Variants in MSRA observed in about 807,000 individuals in gnomAD.
MSRA encodes mitochondrial peptide methionine sulfoxide reductase.
In MSRA, 54 loss-of-function variants were observed where a neutral mutation model predicts 31.3. That is an observed-to-expected ratio of 1.73 (90% CI 1.39 to 2.17). MSRA has a LOEUF of 2.17. Ranked by LOEUF, MSRA falls within the 30% of genes most tolerant of loss-of-function variation. The probability of loss-of-function intolerance (pLI) is 0.00; values close to 1 mark genes in which losing one functional copy is unlikely to be tolerated. For missense variants in MSRA, 507 were observed against 300.9 expected (o/e 1.69, Z -5.07); for synonymous variants, 169 against 116.5 (o/e 1.45, Z -2.90).
intron 1 of MSRA, among the ~76,000 whole-genome samples, chr8:10,060,189 AGC>A (rs769656869): frequency 1.2e-4 from 18 of 152,356 alleles, no homozygotes; most frequent in Admixed American, 2.6e-4. Flanking sequence ...TGTTTGCAAT[AGC>A]ACAAGACTGG....
At chr8:10,398,445 G>C (rs1265226637) in intron 5 of MSRA, among the ~76,000 whole-genome samples, 6 of 152,210 alleles carry the variant, frequency 3.9e-5, no homozygotes, top group Non-Finnish European at 8.8e-5. Flanking sequence ...CTTCGTTGTG[G>C]AAGTCTGAGC....
intron 1 of MSRA, among the ~76,000 whole-genome samples, chr8:10,090,521 C>A (rs1228008074): frequency 6.6e-6 from 1 of 152,300 alleles, no homozygotes; most frequent in Admixed American, 6.5e-5. Context: ...TGGACTGCAA[C>A]TTTTAAAAAG....
chr8:10,211,589 T>TAAA (rs1809500341), intron 2 of MSRA, among the ~76,000 whole-genome samples: 1 of 152,130 alleles, frequency 6.6e-6, no homozygotes, highest in Non-Finnish European at 1.5e-5. Flanking sequence ...GAGTGCCCCC[T>TAAA]TGGCTCTCAC....
chr8:10,318,262 T>G (rs933182915), intron 4 of MSRA, among the ~76,000 whole-genome samples: 1 of 152,196 alleles, frequency 6.6e-6, no homozygotes, highest in African/African-American at 2.4e-5. Flanking sequence ...CATAATTTCC[T>G]TTTTGTCAAA....
At chr8:10,221,647 G>A (rs1299889997) in intron 2 of MSRA, among the ~76,000 whole-genome samples, 1 of 152,144 alleles carries the variant, frequency 6.6e-6, no homozygotes, top group East Asian at 1.9e-4. Flanking sequence ...TTATACTCCA[G>A]TAGGGTGGGA....
intron 1 of MSRA, among the ~76,000 whole-genome samples, chr8:10,154,947 C>T (rs1052179065): frequency 1.4e-5 from 2 of 142,920 alleles, no homozygotes; most frequent in African/African-American, 5.3e-5. Flanking sequence ...ACCACAGGTA[C>T]AGTAAAATTT....
At chr8:10,192,857 C>A (rs1807630604) in intron 1 of MSRA, among the ~76,000 whole-genome samples, 1 of 118,028 alleles carries the variant, frequency 8.5e-6, no homozygotes, top group East Asian at 2.3e-4. Flanking sequence ...CCGTTTATAA[C>A]AGCATGTTCA....
Position 10,110,680 on chromosome 8 carries a change from A to C in MSRA, c.142+56022A>C, listed in dbSNP as rs563160180. Among the ~76,000 whole-genome samples the C allele has an allele frequency of 2.6e-5, 4 of 152,304 alleles. No individual in the cohort carries two copies. The South Asian group carries it at 8.3e-4, about 32-fold the overall frequency. ...CTGTGTCAAATGTCTTGATTTTCACAGTAGTGATCGCGCTTTCTCCCAGGC... is the reference window on the plus strand; with the variant it reads ...CTGTGTCAAATGTCTTGATTTTCACCGTAGTGATCGCGCTTTCTCCCAGGC... On this transcript the variant is annotated intron_variant, in intron 1 of 5. Coordinates refer to ENST00000317173, the MANE Select transcript of MSRA (RefSeq NM_012331.5).
At chr8:10,355,078 C>T (rs147720482) in intron 5 of MSRA, among the ~76,000 whole-genome samples, 1 of 152,158 alleles carries the variant, frequency 6.6e-6, no homozygotes, top group Non-Finnish European at 1.5e-5. Context: ...ATTTAGCATA[C>T]TTTTAACCTG....
chr8:10,256,639 G>A (rs1798197186), intron 3 of MSRA, among the ~76,000 whole-genome samples: 1 of 152,092 alleles, frequency 6.6e-6, no homozygotes, highest in Non-Finnish European at 1.5e-5. Context: ...AATTCAGACG[G>A]CACCTCTGTC....
At chr8:10,369,249 T>TA (rs1805341678) in intron 5 of MSRA, among the ~76,000 whole-genome samples, 1 of 147,528 alleles carries the variant, frequency 6.8e-6, no homozygotes, top group African/African-American at 2.6e-5. Context: ...ATAGAGTTCT[T>TA]TAAAAAAAAA....
chr8:10,256,938 AGTTT>A (rs1271695011), intron 3 of MSRA, among the ~76,000 whole-genome samples: 1 of 152,178 alleles, frequency 6.6e-6, no homozygotes, highest in East Asian at 1.9e-4. Context: ...AGAGGTCTGT[AGTTT>A]GTTTATCTTC....
intron 3 of MSRA, among the ~76,000 whole-genome samples, chr8:10,263,208 A>AC (rs1346168854): frequency 6.6e-6 from 1 of 152,072 alleles, no homozygotes; most frequent in Non-Finnish European, 1.5e-5. Context: ...TATTGCTGTC[A>AC]CCCCCAAACG....
chr8:10,281,607 C>G (rs867180909), intron 3 of MSRA, among the ~76,000 whole-genome samples: 1 of 152,204 alleles, frequency 6.6e-6, no homozygotes, highest in Non-Finnish European at 1.5e-5. Context: ...TAGAAAAATG[C>G]TATCGATAAG....
At chr8:10,359,179 G>C (rs1342740902) in intron 5 of MSRA, among the ~76,000 whole-genome samples, 2 of 152,134 alleles carry the variant, frequency 1.3e-5, no homozygotes, top group Middle Eastern at 3.2e-3. Flanking sequence ...CTGTCCCCTT[G>C]ACTTGCTTTT....
chr8:10,396,645 A>G (rs754533823), intron 5 of MSRA, among the ~76,000 whole-genome samples: 2 of 152,214 alleles, frequency 1.3e-5, no homozygotes, highest in Non-Finnish European at 2.9e-5. Flanking sequence ...GAAGGATGAC[A>G]TACGTGTGGC....
At chr8:10,284,392 C>G (rs1398089579) in intron 3 of MSRA, among the ~76,000 whole-genome samples, 1 of 152,054 alleles carries the variant, frequency 6.6e-6, no homozygotes. Flanking sequence ...TGGGGTTTCA[C>G]CATGTTAGCC....
intron 4 of MSRA, among the ~76,000 whole-genome samples, chr8:10,302,206 A>G (rs1230539393): frequency 6.6e-6 from 1 of 152,248 alleles, no homozygotes; most frequent in Admixed American, 6.5e-5. Flanking sequence ...TTTGGGCTAT[A>G]AACAATGGTG....
At chr8:10,294,716 C>T (rs1276541536) in intron 3 of MSRA, among the ~76,000 whole-genome samples, 2 of 152,178 alleles carry the variant, frequency 1.3e-5, no homozygotes, top group South Asian at 4.1e-4. Flanking sequence ...TGTCATTGCA[C>T]TGCGGGCTAC....
Sources: gnomAD v4.1 joint callset for allele counts (sites outside exome capture counted in the v4.1 genomes callset) on GRCh38, gnomAD v4.1.1 for gene constraint, MANE v1.5 for transcripts, NCBI Gene and HGNC (gene_info 2026-07-23, HGNC 2026-07-21) for gene names.